Variants in RSRC1 observed in about 807,000 individuals in gnomAD.
The protein encoded by RSRC1 is serine/Arginine-related protein 53.
A neutral mutation model predicts 49.1 loss-of-function variants in RSRC1; 39 were observed. That is an observed-to-expected ratio of 0.79 (90% CI 0.61 to 1.04). RSRC1 has a LOEUF of 1.04. RSRC1 is among the 50% of genes least tolerant of loss of function. The pLI, the probability that RSRC1 is intolerant of heterozygous loss-of-function variation, is 0.00. For missense variants in RSRC1, 388 were observed against 402.4 expected (o/e 0.96, Z 0.31); for synonymous variants, 143 against 130.8 (o/e 1.09, Z -0.63).
intron 6 of RSRC1, among the ~76,000 whole-genome samples, chr3:158,356,300 T>C (rs905086502): frequency 6.6e-6 from 1 of 152,112 alleles, no homozygotes; most frequent in Admixed American, 6.5e-5. Context: ...TAGGATTCAT[T>C]GATCAAGAAA....
At chr3:158,301,513 G>A (rs1276768986) in intron 5 of RSRC1, among the ~76,000 whole-genome samples, 1 of 152,058 alleles carries the variant, frequency 6.6e-6, no homozygotes, top group Non-Finnish European at 1.5e-5. Context: ...TATCAAGGGA[G>A]AATCTTTTCA....
chr3:158,333,033 A>G (rs1040119009), intron 5 of RSRC1, among the ~76,000 whole-genome samples: 3 of 147,376 alleles, frequency 2.0e-5, no homozygotes, highest in South Asian at 2.1e-4. Context: ...CAGTGGCGCT[A>G]TCTTGGCTCA....
intron 7 of RSRC1, among the ~76,000 whole-genome samples, chr3:158,477,801 TATATATATATATATATA>T (rs1738442360): frequency 6.2e-5 from 5 of 80,612 alleles, no homozygotes; most frequent in Admixed American, 5.1e-4. Flanking sequence ...GAGGGATTTA[TATATATATATATATATA>T]TATATATATG....
At chr3:158,508,145 A>T (rs1739953612) in intron 7 of RSRC1, among the ~76,000 whole-genome samples, 1 of 152,082 alleles carries the variant, frequency 6.6e-6, no homozygotes, top group African/African-American at 2.4e-5. Context: ...GTTTTGCTTT[A>T]AAAAAATTTA....
chr3:158,123,160 A>G (rs1715392303), intron 2 of RSRC1, among the ~76,000 whole-genome samples: 1 of 152,132 alleles, frequency 6.6e-6, no homozygotes, highest in Non-Finnish European at 1.5e-5. Context: ...GGCATGCACC[A>G]CTATGCCCAG....
At chr3:158,510,523 C>T (rs748796073) in intron 7 of RSRC1, among the ~76,000 whole-genome samples, 8 of 151,642 alleles carry the variant, frequency 5.3e-5, no homozygotes, top group African/African-American at 1.2e-4. Flanking sequence ...GTTTAATTTT[C>T]GTGGTATATA....
intron 4 of RSRC1, among the ~76,000 whole-genome samples, chr3:158,246,905 C>G (rs920585771): frequency 3.3e-5 from 5 of 152,102 alleles, no homozygotes; most frequent in African/African-American, 1.2e-4. Context: ...TCTGCATTTT[C>G]TGAATTTGAA....
At chr3:158,287,384 TTAAA>T (rs983461472) in intron 4 of RSRC1, among the ~76,000 whole-genome samples, 7 of 152,158 alleles carry the variant, frequency 4.6e-5, no homozygotes, top group African/African-American at 1.7e-4. Context: ...TTATTTATGA[TTAAA>T]TAGTGGAGAT....
chr3:158,146,274 A>C (rs186825147), intron 3 of RSRC1, among the ~76,000 whole-genome samples: 1 of 152,262 alleles, frequency 6.6e-6, no homozygotes, highest in African/African-American at 2.4e-5. Context: ...TTTGTCATTA[A>C]TAGCTCTTAT....
At chr3:158,233,151 C>T (rs1248023038) in intron 4 of RSRC1, among the ~76,000 whole-genome samples, 1 of 152,124 alleles carries the variant, frequency 6.6e-6, no homozygotes, top group African/African-American at 2.4e-5. Flanking sequence ...ACATAAATTC[C>T]TTTCCAACAT....
At chr3:158,230,887 C>T (rs1722908921) in intron 4 of RSRC1, among the ~76,000 whole-genome samples, 1 of 151,972 alleles carries the variant, frequency 6.6e-6, no homozygotes, top group Admixed American at 6.6e-5. Context: ...TAGATAAATA[C>T]ATGGATTCAA....
At chr3:158,112,232 A>T (rs182622082) in intron 1 of RSRC1, among the ~76,000 whole-genome samples, 1 of 152,242 alleles carries the variant, frequency 6.6e-6, no homozygotes, top group East Asian at 1.9e-4. Context: ...AGAACTATCA[A>T]TGTGTCTTTC....
chr3:158,531,282 A>G (rs1268248240), intron 7 of RSRC1, among the ~76,000 whole-genome samples: 1 of 151,888 alleles, frequency 6.6e-6, no homozygotes, highest in African/African-American at 2.4e-5. Context: ...AGTGGACATC[A>G]GGCATGGCCT....
At chr3:158,458,953 G>A (rs905186282) in intron 6 of RSRC1, among the ~76,000 whole-genome samples, 8 of 152,088 alleles carry the variant, frequency 5.3e-5, no homozygotes, top group African/African-American at 1.9e-4. Context: ...AGTCAATGAG[G>A]AGTTTATCCT....
chr3:158,291,866 A>G (rs1413581465), intron 4 of RSRC1, among the ~76,000 whole-genome samples: 1 of 152,212 alleles, frequency 6.6e-6, no homozygotes, highest in Non-Finnish European at 1.5e-5. Flanking sequence ...AAAAAATCTT[A>G]GTGTTTTTGT....
chr3:158,193,254 G>A (rs1170454681), intron 3 of RSRC1, among the ~76,000 whole-genome samples: 1 of 151,998 alleles, frequency 6.6e-6, no homozygotes, highest in Non-Finnish European at 1.5e-5. Context: ...ATGTAACTTT[G>A]AGCATATTAG....
At chr3:158,418,349 C>T (rs952350006) in intron 6 of RSRC1, among the ~76,000 whole-genome samples, 2 of 152,044 alleles carry the variant, frequency 1.3e-5, no homozygotes, top group South Asian at 4.1e-4. Context: ...TAGTTAAAAC[C>T]TGTTCTATCT....
intron 5 of RSRC1, among the ~76,000 whole-genome samples, chr3:158,324,624 G>C (rs1349419004): frequency 1.3e-5 from 2 of 152,074 alleles, no homozygotes; most frequent in East Asian, 1.9e-4. Context: ...TCTTAATCCA[G>C]TCTATCATTG....
intron 4 of RSRC1, among the ~76,000 whole-genome samples, chr3:158,292,782 T>C (rs1172448572): frequency 6.6e-6 from 1 of 152,220 alleles, no homozygotes; most frequent in African/African-American, 2.4e-5. Flanking sequence ...TTCTATAGTT[T>C]ATTTTTTATC....
Sources: allele counts gnomAD v4.1 joint callset (sites outside exome capture counted in the v4.1 genomes callset), GRCh38; gene constraint gnomAD v4.1.1; transcripts MANE v1.5; gene names NCBI Gene and HGNC (gene_info 2026-07-23, HGNC 2026-07-21).